Variants in EIF2AK3 observed in about 807,000 individuals in gnomAD.
The protein encoded by EIF2AK3 is eukaryotic translation initiation factor 2 alpha kinase 3.
EIF2AK3 carries 50 observed loss-of-function variants against 113.5 expected under a neutral mutation model. The ratio of observed to expected loss-of-function variants is 0.44; its 90% CI spans 0.35 to 0.56. The LOEUF (loss-of-function observed/expected upper bound fraction) is 0.56, where lower values mean the gene tolerates loss of function less well. Ranked by LOEUF, EIF2AK3 falls within the 20% of genes least tolerant of loss-of-function variation. EIF2AK3 has a pLI of 0.00. For missense variants in EIF2AK3, 1,185 were observed against 1,378.0 expected (o/e 0.86, Z 2.22); for synonymous variants, 448 against 495.4 (o/e 0.90, Z 1.27).
chr2:88,562,695 A>C (rs1209847881), intron 14 of EIF2AK3, among the ~76,000 whole-genome samples: 1 of 152,162 alleles, frequency 6.6e-6, no homozygotes, highest in African/African-American at 2.4e-5. Context: ...GAGCCAGCAA[A>C]ATCTGCTCGA....
chr2:88,601,331 C>T (rs745567550), intron 2 of EIF2AK3, among the ~76,000 whole-genome samples: 10 of 152,196 alleles, frequency 6.6e-5, no homozygotes, highest in Non-Finnish European at 1.5e-4. Flanking sequence ...AGACTTGGAG[C>T]TTTGATCTGA....
intron 15 of EIF2AK3, among the ~76,000 whole-genome samples, chr2:88,559,510 C>CTGTGTGTG (rs141821640): frequency 0.013 from 1,802 of 141,384 alleles, 23 homozygotes; most frequent in African/African-American, 0.027. Context: ...ACCAAGATGA[C>CTGTGTGTG]TGTGTGTGTG....
intron 13 of EIF2AK3, among the ~76,000 whole-genome samples, chr2:88,573,704 T>C (rs1674377611): frequency 6.6e-6 from 1 of 152,204 alleles, no homozygotes; most frequent in African/African-American, 2.4e-5. Context: ...CTTGTTACCC[T>C]AAAACTCTTA....
chr2:88,627,095 C>A lies in EIF2AK3; in HGVS notation c.180G>T (p.Pro60=), dbSNP rs749660066. 3.9e-6 allele frequency: 6 copies of A among 1,547,596 alleles called. No homozygotes were observed. The South Asian group carries it at 7.0e-5, about 18-fold the overall frequency. The change falls in exon 1 of 17, where the codon CCG becomes CCT. Residue 60 remains proline (P), a synonymous_variant. Transcript: ENST00000303236. ...AAAPTSATRV[P]AAGAVAAAEV... ...CGGCCGCAGCCACGGCGCCCGCCGC[C>A]GGTACTCGCGTCGCTGAGGTGGGAG... is the stretch of plus-strand genomic sequence containing the variant.
chr2:88,560,896 T>C (rs1004900709), intron 15 of EIF2AK3, among the ~76,000 whole-genome samples: 6 of 152,050 alleles, frequency 3.9e-5, no homozygotes, highest in African/African-American at 1.4e-4. Context: ...AAATAAGAAA[T>C]AGTGACAAGA....
At chr2:88,565,018 A>T (rs1674070216) in intron 14 of EIF2AK3, among the ~76,000 whole-genome samples, 1 of 152,052 alleles carries the variant, frequency 6.6e-6, no homozygotes, top group African/African-American at 2.4e-5. Context: ...ATAAATTTTT[A>T]AAAACACAAT....
At chr2:88,610,893 A>C (rs1193457253) in intron 2 of EIF2AK3, among the ~76,000 whole-genome samples, 1 of 151,176 alleles carries the variant, frequency 6.6e-6, no homozygotes, top group South Asian at 2.1e-4. Flanking sequence ...TGTCTCCACA[A>C]AAAAAAAAGT....
chr2:88,590,781 A>G (rs941515493), intron 5 of EIF2AK3, 37 bp downstream of exon 5: 32 of 1,609,750 alleles, frequency 2.0e-5, no homozygotes, highest in Non-Finnish European at 2.6e-5. Flanking sequence ...CTGGGAGAGG[A>G]AGAACCGTAT....
chr2:88,576,462 T>TA, intron 12 of EIF2AK3, 92 bp downstream of exon 12: 1 of 1,557,622 alleles, frequency 6.4e-7, no homozygotes. Flanking sequence ...TTCCTTTTCT[T>TA]TAAAAAAAAA....
In EIF2AK3 at chr2:88,613,784, C is replaced by T; in HGVS notation, c.378G>A (p.Lys126=). The part of the protein sequence containing the change: ...AALDPENHGK[K]QWDLDVGSGS... ...CGGATCCCACATCCAAATCCCACTG[C>T]TTTTTACCATGATTTTCAGGATCCA... Residue 126 remains lysine, a synonymous_variant, in exon 2 of 17, where the codon AAG becomes AAA. Coordinates refer to ENST00000303236, the MANE Select transcript of EIF2AK3 (RefSeq NM_004836.7). 5.0e-6 allele frequency: 8 copies of T among 1,614,072 alleles called. No individual in the cohort carries two copies. Among genetic ancestry groups the T allele is most frequent in the Non-Finnish European group, 6.8e-6 (8 of 1,179,926 alleles).
rs776126535 is a variant in EIF2AK3, at chr2:88,575,051, G to C, written c.2432C>G (p.Ser811Cys). The C allele has an allele frequency of 1.9e-6, 3 of 1,614,192 alleles. No individual in the cohort carries two copies. Among genetic ancestry groups the C allele is most frequent in the Non-Finnish European group, 2.5e-6 (3 of 1,180,034 alleles). The change falls in exon 13 of 17, where the codon TCT (serine) becomes TGT (cysteine). Residue 811 changes from serine to cysteine, a missense_variant. Physicochemically the swap from Ser to Cys is moderately radical, Grantham distance 112. Transcript: ENST00000303236. ...RTSSSIVFED[S>C]GCDNASSKEE... The stretch of plus-strand genomic sequence containing the variant: ...TTTACTGGAAGCATTATCACAGCCA[G>C]AATCTTCAAATACTATTGAAGAGGA...
chr2:88,609,715 G>C (rs1450307511), intron 2 of EIF2AK3, among the ~76,000 whole-genome samples: 1 of 152,066 alleles, frequency 6.6e-6, no homozygotes, highest in Non-Finnish European at 1.5e-5. Context: ...GTATTTGGTA[G>C]ACATTTTCTA....
Position 88,575,426 on chromosome 2 carries a change from G to C in EIF2AK3, c.2057C>G (p.Ser686Cys). The change falls in exon 13 of 17, where the codon TCT (serine) becomes TGT (cysteine). Residue 686 changes from serine (S) to cysteine (C), a missense_variant. Transcript: ENST00000303236. Reference protein sequence around the residue: ...KDESTDWPLSSPSPMDAPSVK... With the variant: ...KDESTDWPLSCPSPMDAPSVK... ...TGATGGTGCATCCATTGGGCTAGGA[G>C]AGCTGAGTGGCCAGTCTGTGCTAAA... 1 of 1,608,818 alleles carries C rather than the reference G, an allele frequency of 6.2e-7. No individual in the cohort carries two copies. Among genetic ancestry groups the C allele is most frequent in the Non-Finnish European group, 8.5e-7 (1 of 1,179,982 alleles).
At chr2:88,622,192 C>T (rs1675742113) in intron 1 of EIF2AK3, among the ~76,000 whole-genome samples, 2 of 152,096 alleles carry the variant, frequency 1.3e-5, no homozygotes, top group African/African-American at 4.8e-5. Context: ...CCACCACGCC[C>T]GGCCCTATGA....
At chr2:88,618,236 A>G (rs998519730) in intron 1 of EIF2AK3, among the ~76,000 whole-genome samples, 2 of 152,202 alleles carry the variant, frequency 1.3e-5, no homozygotes, top group Admixed American at 6.5e-5. Context: ...AACACCTCCC[A>G]AAACAGGAAG....
Position 88,562,297 on chromosome 2 carries a change from T to C in EIF2AK3, c.3079A>G (p.Arg1027Gly), listed in dbSNP as rs1184728974. ...GTAGGGAGGGTACTTACCCTGACTC[T>C]CTCCATCTGAGTGCTGAATGGATAC... ...LLYPFSTQMERVRTLTDVRNL... is the reference protein window; with the variant it reads ...LLYPFSTQMEGVRTLTDVRNL... The change falls in exon 15 of 17, where the codon AGA becomes GGA. Residue 1027 changes from arginine to glycine, a missense_variant. Transcript: ENST00000303236. The C allele has an allele frequency of 1.3e-5, 21 of 1,613,662 alleles. No homozygotes were observed. The South Asian group carries it at 1.9e-4, about 14-fold the overall frequency.
At chr2:88,586,472 C>T (rs538346050) in intron 8 of EIF2AK3, among the ~76,000 whole-genome samples, 1 of 152,104 alleles carries the variant, frequency 6.6e-6, no homozygotes, top group African/African-American at 2.4e-5. Context: ...GAAAGGAAAA[C>T]ATCCATGCTG....
intron 8 of EIF2AK3, among the ~76,000 whole-genome samples, chr2:88,586,619 CAG>C (rs1674738539): frequency 7.6e-6 from 1 of 130,982 alleles, no homozygotes; most frequent in African/African-American, 2.9e-5. Context: ...TTTTTTGAGA[CAG>C]GGTCTTGCTC....
In EIF2AK3 at chr2:88,590,573, A is replaced by C; in HGVS notation, c.1035T>G (p.Leu345=). 1 of 1,613,394 alleles carries C rather than the reference A, an allele frequency of 6.2e-7. No individual in the cohort carries two copies. Among genetic ancestry groups the C allele is most frequent in the Non-Finnish European group, 8.5e-7 (1 of 1,179,950 alleles). The change falls in exon 6 of 17, where the codon CTT becomes CTG. Residue 345 remains leucine, a synonymous_variant. Coordinates refer to ENST00000303236, the MANE Select transcript of EIF2AK3 (RefSeq NM_004836.7). The part of the protein sequence containing the change: ...FCTPIASAWL[L]KDGKVIPISL... ...TGATGGGAATGACTTTCCCATCCTT[A>C]AGTAACCAGGCAGATGCAATTGGAG... is the stretch of plus-strand genomic sequence containing the variant.
Sources: allele counts gnomAD v4.1 joint callset (sites outside exome capture counted in the v4.1 genomes callset), GRCh38; gene constraint gnomAD v4.1.1; transcripts MANE v1.5; gene names NCBI Gene and HGNC (gene_info 2026-07-23, HGNC 2026-07-21).